GCH1: variants seen among roughly 807,000 people sequenced by gnomAD.
The protein encoded by GCH1 is GTP cyclohydrolase I.
A neutral mutation model predicts 25.9 loss-of-function variants in GCH1; 5 were observed. That is an observed-to-expected ratio of 0.19 (90% confidence interval 0.10 to 0.41). The LOEUF (loss-of-function observed/expected upper bound fraction) is 0.41, where lower values mean the gene tolerates loss of function less well. Ranked by LOEUF, GCH1 falls within the 10% of genes least tolerant of loss-of-function variation. The pLI, the probability that GCH1 is intolerant of heterozygous loss-of-function variation, is 1.00. For missense variants in GCH1, 261 were observed against 336.5 expected (o/e 0.78, Z 1.75); for synonymous variants, 159 against 129.6 (o/e 1.23, Z -1.54).
chr14:54,847,521 A>G (rs2039660811), intron 3 of GCH1, among the ~76,000 whole-genome samples: 1 of 152,168 alleles, frequency 6.6e-6, no homozygotes, highest in African/African-American at 2.4e-5. Flanking sequence ...TCTTTCTCCA[A>G]TGCTGGCTGC....
chr14:54,861,920 A>G (rs1188196161), intron 2 of GCH1, among the ~76,000 whole-genome samples: 1 of 152,088 alleles, frequency 6.6e-6, no homozygotes, highest in Non-Finnish European at 1.5e-5. Context: ...TTCTGTGCCT[A>G]ATTTGCTCAC....
chr14:54,850,816 T>C (rs1325314572), intron 3 of GCH1, among the ~76,000 whole-genome samples: 5 of 152,210 alleles, frequency 3.3e-5, no homozygotes, highest in Admixed American at 6.5e-5. Context: ...ACTCATCTTT[T>C]GTTATGGCTG....
intron 1 of GCH1, chr14:54,885,364 G>T: frequency 3.9e-6 from 1 of 256,120 alleles, no homozygotes; most frequent in South Asian, 5.4e-5. Context: ...GGCTGTGATG[G>T]GGTCCAGGGT....
intron 1 of GCH1, among the ~76,000 whole-genome samples, chr14:54,886,672 G>A (rs575616599): frequency 2.8e-4 from 42 of 152,316 alleles, no homozygotes; most frequent in Non-Finnish European, 5.7e-4. Context: ...TGAGGACACA[G>A]ATACTGTCAT....
In GCH1 at chr14:54,843,355, A is replaced by C. The variant is rs766931906; in HGVS notation, c.*662T>G. On this transcript the variant is annotated 3_prime_UTR_variant, in exon 6 of 6. Transcript: ENST00000491895. Reference sequence around the variant, plus strand: ...TATGTTGACACGAGAATACACTCGTAAACAACACCAGGAACTAATTCCCTA... The same window carrying C: ...TATGTTGACACGAGAATACACTCGTCAACAACACCAGGAACTAATTCCCTA... 9 of 1,282,840 alleles carry C rather than the reference A, an allele frequency of 7.0e-6. No individual in the cohort carries two copies. The highest frequency in any genetic ancestry group is 8.8e-6 in the Non-Finnish European group (9 of 1,017,714). 79.5% of individuals were successfully genotyped at this position (1,282,840 alleles called of 1,614,324 possible).
chr14:54,874,482 G>A (rs534261209), intron 1 of GCH1, among the ~76,000 whole-genome samples: 1 of 152,194 alleles, frequency 6.6e-6, no homozygotes, highest in Non-Finnish European at 1.5e-5. Context: ...AGTGCTGGAA[G>A]TTCTGGCCAG....
rs56127440 is a variant in GCH1 at position 54,902,458 on chromosome 14, G to C, written c.206C>G (p.Pro69Arg). 6.2e-7 allele frequency: 1 copy of C among 1,612,568 alleles called. No individual in the cohort carries two copies. The highest frequency in any genetic ancestry group is 8.5e-7 in the Non-Finnish European group (1 of 1,179,716). The change falls in exon 1 of 6, where the codon CCT becomes CGT. Residue 69 changes from proline to arginine, a missense_variant. Physicochemically the swap from Pro to Arg is moderately radical, Grantham distance 103. Around this residue, in one of 3 missense-constraint regions of GCH1, gnomAD observed 125 missense variants for 128.7 expected, o/e 0.97. Transcript: ENST00000491895. ...GGACGAGTAGGCGGCTGCCAGGTTA[G>C]GGAGGTTCAGCTCGTTATCCTCCTC... ...RSEEDNELNL[P>R]NLAAAYSSIL...
At chr14:54,883,825 C>A (rs1331334603) in intron 1 of GCH1, among the ~76,000 whole-genome samples, 1 of 152,076 alleles carries the variant, frequency 6.6e-6, no homozygotes, top group Non-Finnish European at 1.5e-5. Flanking sequence ...ACTATGAGGC[C>A]TGGGGCAGGG....
chr14:54,891,991 G>T (rs1397805632), intron 1 of GCH1, among the ~76,000 whole-genome samples: 2 of 152,132 alleles, frequency 1.3e-5, no homozygotes, highest in Non-Finnish European at 2.9e-5. Flanking sequence ...TTTCCTTCAA[G>T]TGAAAAAGAT....
intron 1 of GCH1, chr14:54,886,284 T>C (rs1230216163): frequency 6.5e-6 from 1 of 153,116 alleles, no homozygotes; most frequent in East Asian, 1.9e-4. Flanking sequence ...TAGTTTGTGA[T>C]TTCTTTCAAG....
rs146589310 is a variant in GCH1 at position 54,884,071 on chromosome 14, A to C, written c.343+18250T>G. Reference sequence around the variant, plus strand: ...ATTAGAAATCAATGTCTAGGGTAATACAATAAAGTTTTCATAGTTCTGAGC... The same window carrying C: ...ATTAGAAATCAATGTCTAGGGTAATCCAATAAAGTTTTCATAGTTCTGAGC... On this transcript the variant is annotated intron_variant, in intron 1 of 5. Coordinates refer to ENST00000491895, the MANE Select transcript of GCH1 (RefSeq NM_000161.3). 1.6e-3 allele frequency among the ~76,000 whole-genome samples: 250 copies of C among 152,380 alleles called. 2 individuals are homozygous for C. Among genetic ancestry groups the C allele is most frequent in the African/African-American group, 5.8e-3 (241 of 41,590 alleles).
Position 54,902,648 on chromosome 14 carries a change from C to T in GCH1, c.16G>A (p.Val6Met). The change falls in exon 1 of 6, where the codon GTG becomes ATG. Residue 6 changes from valine (V) to methionine (M), a missense_variant. Coordinates refer to ENST00000491895, the MANE Select transcript of GCH1 (RefSeq NM_000161.3). MEKGP[V>M]RAPAEKPRGA... is the part of the protein sequence containing the mutation. ...CGCGGCTTCTCCGCCGGTGCCCGCACAGGGCCCTTCTCCATGGACCCGCCG... is the reference window on the plus strand; with the variant it reads ...CGCGGCTTCTCCGCCGGTGCCCGCATAGGGCCCTTCTCCATGGACCCGCCG... 6.8e-7 allele frequency: 1 copy of T among 1,479,884 alleles called. No individual in the cohort carries two copies. The highest frequency in any genetic ancestry group is 2.8e-5 in the East Asian group (1 of 35,100). The allele number at this position is 1,479,884 out of a possible 1,614,324, so 91.7% of individuals were successfully genotyped here.
chr14:54,847,801 G>A (rs991409427), intron 3 of GCH1, among the ~76,000 whole-genome samples: 9 of 152,010 alleles, frequency 5.9e-5, no homozygotes, highest in African/African-American at 1.2e-4. Flanking sequence ...CAACTGTGAC[G>A]TTCACTTAGG....
intron 1 of GCH1, among the ~76,000 whole-genome samples, chr14:54,874,040 A>G (rs1332334791): frequency 6.6e-6 from 1 of 152,184 alleles, no homozygotes; most frequent in Admixed American, 6.5e-5. Flanking sequence ...AGACACAACA[A>G]AAAAAGAGAA....
chr14:54,900,695 T>G lies in GCH1; in HGVS notation c.343+1626A>C, dbSNP rs546999179. Among the ~76,000 whole-genome samples, 23 of 152,306 alleles carry G rather than the reference T, an allele frequency of 1.5e-4. No individual in the cohort carries two copies. The Middle Eastern group carries it at 0.01, about 68-fold the overall frequency. ...CTCTCTCTTTGGGTAATTAGATCCATGCTAGATTACAGAACACTGTCCTAT... is the reference window on the plus strand; with the variant it reads ...CTCTCTCTTTGGGTAATTAGATCCAGGCTAGATTACAGAACACTGTCCTAT... On this transcript the variant is annotated intron_variant, in intron 1 of 5. Coordinates refer to ENST00000491895, the MANE Select transcript of GCH1 (RefSeq NM_000161.3).
chr14:54,890,008 T>G (rs1172553531), intron 1 of GCH1, among the ~76,000 whole-genome samples: 2 of 152,174 alleles, frequency 1.3e-5, no homozygotes, highest in Non-Finnish European at 2.9e-5. Context: ...AAAAACTTAT[T>G]CAATTTTAGA....
chr14:54,864,168 G>A (rs1237679447), intron 2 of GCH1, among the ~76,000 whole-genome samples: 2 of 151,922 alleles, frequency 1.3e-5, no homozygotes, highest in Non-Finnish European at 2.9e-5. Flanking sequence ...GCCTATTCTA[G>A]TTCTTGATCT....
intron 5 of GCH1, among the ~76,000 whole-genome samples, chr14:54,845,222 G>A (rs1173335622): frequency 1.3e-5 from 2 of 151,966 alleles, no homozygotes; most frequent in Admixed American, 6.6e-5. Flanking sequence ...GCTCACGCCT[G>A]TAATCCTAGC....
intron 1 of GCH1, chr14:54,885,548 C>A: frequency 2.7e-6 from 1 of 373,856 alleles, no homozygotes; most frequent in East Asian, 7.3e-5. Flanking sequence ...CAGATCTGCC[C>A]CCAGCAAGGT....
Sources: allele counts gnomAD v4.1 joint callset (sites outside exome capture counted in the v4.1 genomes callset), GRCh38; gene constraint gnomAD v4.1.1; regional missense constraint gnomAD v4.1.1; transcripts MANE v1.5; gene names NCBI Gene and HGNC (gene_info 2026-07-23, HGNC 2026-07-21).